The following HS3ST5 variants were observed in gnomAD, a reference collection of about 807,000 sequenced individuals.
HS3ST5 encodes the protein heparan sulfate-glucosamine 3-sulfotransferase 5, also known as heparan sulfate glucosamine 3-O-sulfotransferase 5.
Under a neutral mutation model 25.4 loss-of-function variants are expected in HS3ST5, and 10 were observed. The ratio of observed to expected loss-of-function variants is 0.39; its 90% CI spans 0.24 to 0.67. HS3ST5 has a LOEUF of 0.67. Among genes scored for constraint, HS3ST5 ranks in the 30% least tolerant of loss-of-function variants. The probability of loss-of-function intolerance (pLI) is 0.44; values close to 1 mark genes in which losing one functional copy is unlikely to be tolerated. For synonymous variants in HS3ST5, 170 were observed against 162.4 expected (o/e 1.05, Z -0.36); for missense variants, 324 against 420.7 (o/e 0.77, Z 2.01).
In HS3ST5 at chr6:114,198,660, A is replaced by G. The variant is rs546138588; in HGVS notation, c.-145+29925T>C. On this transcript the variant is annotated intron_variant, in intron 2 of 4. Coordinates refer to ENST00000312719, the MANE Select transcript of HS3ST5 (RefSeq NM_153612.4). ...AAACTCTGTAAATTCACAAAATTCA[A>G]TGTACAATTAAATAAACTAAAGAAA... Among the ~76,000 whole-genome samples, 4 of 152,360 alleles carry G rather than the reference A, an allele frequency of 2.6e-5. No individual in the cohort carries two copies. In the South Asian group the frequency reaches 6.2e-4, roughly 24 times the overall value.
At chr6:114,092,745 G>A (rs750980645) in intron 3 of HS3ST5, among the ~76,000 whole-genome samples, 56 of 149,508 alleles carry the variant, frequency 3.7e-4, no homozygotes, top group African/African-American at 8.9e-4. Context: ...GTGCGATCTC[G>A]GCTTACTGCA....
chr6:114,318,857 T>A (rs1410487865), intron 1 of HS3ST5, among the ~76,000 whole-genome samples: 4 of 152,222 alleles, frequency 2.6e-5, no homozygotes, highest in Non-Finnish European at 5.9e-5. Context: ...AAGTGCTCAA[T>A]GCCTATTAAG....
intron 1 of HS3ST5, among the ~76,000 whole-genome samples, chr6:114,237,538 C>T (rs555010007): frequency 6.2e-4 from 95 of 152,098 alleles, no homozygotes; most frequent in Non-Finnish European, 1.3e-3. Context: ...TACCAATGCC[C>T]AGTCCCCATC....
intron 1 of HS3ST5, among the ~76,000 whole-genome samples, chr6:114,280,785 A>T (rs923309452): frequency 6.6e-6 from 1 of 152,008 alleles, no homozygotes; most frequent in Non-Finnish European, 1.5e-5. Flanking sequence ...TTCACGATTC[A>T]GCATTAAAAC....
At chr6:114,262,314 G>A (rs939832208) in intron 1 of HS3ST5, among the ~76,000 whole-genome samples, 9 of 152,180 alleles carry the variant, frequency 5.9e-5, no homozygotes, top group Admixed American at 3.9e-4. Context: ...TTGGGAGGTC[G>A]AGGAGGGCTG....
At chr6:114,166,466 C>G (rs1481233552) in intron 3 of HS3ST5, among the ~76,000 whole-genome samples, 1 of 152,060 alleles carries the variant, frequency 6.6e-6, no homozygotes, top group East Asian at 1.9e-4. Context: ...TGTAAATTCT[C>G]CAAAACAATT....
intron 1 of HS3ST5, chr6:114,281,893 A>G (rs1427836710): frequency 2.0e-5 from 3 of 151,964 alleles, no homozygotes; most frequent in Non-Finnish European, 2.9e-5. Context: ...TAGGAAGTGC[A>G]CTCGAGGGGA....
chr6:114,326,356 C>T (rs1776176517), intron 1 of HS3ST5, among the ~76,000 whole-genome samples: 1 of 152,100 alleles, frequency 6.6e-6, no homozygotes, highest in Admixed American at 6.5e-5. Flanking sequence ...CGCCACTGCA[C>T]TCCAGCCTGG....
chr6:114,161,507 T>G (rs1461850243), intron 3 of HS3ST5, among the ~76,000 whole-genome samples: 1 of 110,026 alleles, frequency 9.1e-6, no homozygotes, highest in African/African-American at 3.3e-5. Context: ...AAACGACAGT[T>G]GCTTCCTGAA....
At chr6:114,320,415 T>C (rs1258913844) in intron 1 of HS3ST5, among the ~76,000 whole-genome samples, 1 of 152,086 alleles carries the variant, frequency 6.6e-6, no homozygotes, top group Non-Finnish European at 1.5e-5. Context: ...TGTCCACTAG[T>C]TCAGGGGAGC....
intron 1 of HS3ST5, among the ~76,000 whole-genome samples, chr6:114,275,203 G>A (rs888848491): frequency 7.9e-5 from 12 of 151,868 alleles, no homozygotes; most frequent in African/African-American, 2.7e-4. Flanking sequence ...TGGAGTCTGA[G>A]AATGTGTCAG....
At position 114,189,345 on chromosome 6, in the gene HS3ST5, A is replaced by G. The variant is rs148215098; in HGVS notation, c.-144-20883T>C. On this transcript the variant is annotated intron_variant, in intron 2 of 4. Coordinates refer to ENST00000312719, the MANE Select transcript of HS3ST5 (RefSeq NM_153612.4). ...TGTCCTCAGTGTTGTAAAATTTCCTAATAAATGTGGTCTATTTTTATTCAG... is the reference window on the plus strand; with the variant it reads ...TGTCCTCAGTGTTGTAAAATTTCCTGATAAATGTGGTCTATTTTTATTCAG... 1.6e-3 allele frequency among the ~76,000 whole-genome samples: 250 copies of G among 152,122 alleles called. 1 individual carries two copies. The highest frequency in any genetic ancestry group is 0.014 in the East Asian group (74 of 5,154).
chr6:114,245,916 C>T (rs903883595), intron 1 of HS3ST5, among the ~76,000 whole-genome samples: 11 of 152,108 alleles, frequency 7.2e-5, no homozygotes, highest in African/African-American at 2.4e-4. Context: ...ATGCTTTATA[C>T]TGACATAAAG....
chr6:114,160,290 C>A (rs932855972), intron 3 of HS3ST5, among the ~76,000 whole-genome samples: 1 of 152,006 alleles, frequency 6.6e-6, no homozygotes, highest in African/African-American at 2.4e-5. Flanking sequence ...CTAATACTTT[C>A]TCAGTATCCT....
At chr6:114,123,533 T>G (rs990404993) in intron 3 of HS3ST5, among the ~76,000 whole-genome samples, 1 of 152,236 alleles carries the variant, frequency 6.6e-6, no homozygotes, top group African/African-American at 2.4e-5. Context: ...TCCCAACTTT[T>G]AAGCCACACA....
In HS3ST5 at chr6:114,226,044, C is replaced by T. The variant is rs576329279; in HGVS notation, c.-145+2541G>A. Among the ~76,000 whole-genome samples the T allele has an allele frequency of 1.1e-4, 16 of 151,998 alleles. No homozygotes were observed. In the South Asian group the frequency reaches 2.9e-3, roughly 28 times the overall value. Reference sequence around the variant, plus strand: ...TGGATTCAGACAGAATGAACAAAATCGTAGGCCAACCGCAGCTGGTTGTAA... The same window carrying T: ...TGGATTCAGACAGAATGAACAAAATTGTAGGCCAACCGCAGCTGGTTGTAA... On this transcript the variant is annotated intron_variant, in intron 2 of 4. Transcript: ENST00000312719.
rs567479759 is a variant in HS3ST5 at position 114,262,420 on chromosome 6, A to G, written c.-338-33642T>C. 1.3e-4 allele frequency among the ~76,000 whole-genome samples: 20 copies of G among 152,074 alleles called. No homozygotes were observed. The East Asian group carries it at 1.6e-3, about 12-fold the overall frequency. On this transcript the variant is annotated intron_variant, in intron 1 of 4. Coordinates refer to ENST00000312719, the MANE Select transcript of HS3ST5 (RefSeq NM_153612.4). Reference sequence around the variant, plus strand: ...AAATTAGCCAGGCGTGGTGGCAGGCACCTGTAGTCCCAGCTACTTGGGAGG... The same window carrying G: ...AAATTAGCCAGGCGTGGTGGCAGGCGCCTGTAGTCCCAGCTACTTGGGAGG...
intron 2 of HS3ST5, among the ~76,000 whole-genome samples, chr6:114,223,672 C>T (rs955407751): frequency 1.3e-5 from 2 of 151,590 alleles, no homozygotes; most frequent in African/African-American, 2.4e-5. Flanking sequence ...CGTTTACAGC[C>T]TTATTGGAAG....
At chr6:114,297,831 A>C (rs577129398) in intron 1 of HS3ST5, among the ~76,000 whole-genome samples, 1 of 152,360 alleles carries the variant, frequency 6.6e-6, no homozygotes, top group African/African-American at 2.4e-5. Flanking sequence ...CAAAATGACT[A>C]ATAGCCAATG....
Sources: gnomAD v4.1 joint callset for allele counts (sites outside exome capture counted in the v4.1 genomes callset) on GRCh38, gnomAD v4.1.1 for gene constraint, MANE v1.5 for transcripts, NCBI Gene and HGNC (gene_info 2026-07-23, HGNC 2026-07-21) for gene names.